The following C9orf72 variants were observed in gnomAD, a reference collection of about 807,000 sequenced individuals.
C9orf72 encodes guanine nucleotide exchange factor C9orf72.
A neutral mutation model predicts 51.6 loss-of-function variants in C9orf72; 44 were observed. The ratio of observed to expected loss-of-function variants is 0.85; its 90% CI spans 0.67 to 1.10. The LOEUF is 1.10. Among genes scored for constraint, C9orf72 ranks in the 50% least tolerant of loss-of-function variants. The pLI, the probability that C9orf72 is intolerant of heterozygous loss-of-function variation, is 0.00. For synonymous variants in C9orf72, 213 were observed against 194.2 expected (o/e 1.10, Z -0.81); for missense variants, 607 against 570.6 (o/e 1.06, Z -0.65).
chr9:27,564,388 T>C (rs1018676443), intron 3 of C9orf72, among the ~76,000 whole-genome samples: 15 of 152,186 alleles, frequency 9.9e-5, no homozygotes, highest in Non-Finnish European at 2.2e-4. Context: ...AGCAGAATTT[T>C]AGTTGGTTCT....
rs770707789 is a variant in C9orf72 at position 27,566,879 on chromosome 9, T to C, written c.242A>G (p.Asp81Gly). 1 of 1,613,976 alleles carries C rather than the reference T, an allele frequency of 6.2e-7. No homozygotes were observed. The highest frequency in any genetic ancestry group is 8.5e-7 in the Non-Finnish European group (1 of 1,179,918). Reference sequence around the variant, plus strand: ...TTCAGACAAGACAAAAAACTTTACATCTATAGCACCACTCTCTGCATTTCG... The same window carrying C: ...TTCAGACAAGACAAAAAACTTTACACCTATAGCACCACTCTCTGCATTTCG... ...ILRNAESGAIDVKFFVLSEKG... is the reference protein window; with the variant it reads ...ILRNAESGAIGVKFFVLSEKG... The change falls in exon 2 of 11, where the codon GAT (aspartate) becomes GGT (glycine). Residue 81 changes from aspartate (D) to glycine (G), a missense_variant. By Grantham distance (94) the Asp-to-Gly change is moderately conservative. Coordinates refer to ENST00000380003, the MANE Select transcript of C9orf72 (RefSeq NM_018325.5).
At chr9:27,572,711 G>C (rs571488463) in intron 1 of C9orf72, among the ~76,000 whole-genome samples, 1 of 152,162 alleles carries the variant, frequency 6.6e-6, no homozygotes, top group Non-Finnish European at 1.5e-5. Context: ...CGGCCAGATA[G>C]ACCCAATGAG....
chr9:27,567,482 C>A (rs185105997), intron 1 of C9orf72, among the ~76,000 whole-genome samples: 1 of 152,092 alleles, frequency 6.6e-6, no homozygotes, highest in African/African-American at 2.4e-5. Context: ...AGAATAGACC[C>A]GCAGTATTCC....
At chr9:27,565,783 C>T (rs1819454619) in intron 2 of C9orf72, among the ~76,000 whole-genome samples, 193 bp from the exon 3 acceptor site, 1 of 151,850 alleles carries the variant, frequency 6.6e-6, no homozygotes, top group Non-Finnish European at 1.5e-5. Flanking sequence ...AAAATAAAAT[C>T]AAAACAACCT....
intron 9 of C9orf72, among the ~76,000 whole-genome samples, chr9:27,550,043 A>C (rs562668789): frequency 6.6e-6 from 1 of 150,656 alleles, no homozygotes; most frequent in Non-Finnish European, 1.5e-5. Context: ...ATCATAGAGT[A>C]TATGTTATAT....
At chr9:27,565,497 GA>G in intron 3 of C9orf72, 33 bp downstream of exon 3, 1 of 1,423,788 alleles carries the variant, frequency 7.0e-7, no homozygotes, top group Non-Finnish European at 9.9e-7. Flanking sequence ...CATGCTGTGA[GA>G]AAAACATTTG....
At chr9:27,564,466 GAA>G (rs1309478735) in intron 3 of C9orf72, among the ~76,000 whole-genome samples, 2 of 152,164 alleles carry the variant, frequency 1.3e-5, no homozygotes, top group African/African-American at 4.8e-5. Flanking sequence ...AGAGGGTGCT[GAA>G]AGTTACCCCA....
intron 1 of C9orf72, among the ~76,000 whole-genome samples, chr9:27,567,862 G>A (rs1160590681): frequency 1.3e-5 from 2 of 152,064 alleles, no homozygotes. Context: ...GAACACTCAG[G>A]ATTGCTGGTA....
At chr9:27,551,256 T>C (rs1053546954) in intron 8 of C9orf72, among the ~76,000 whole-genome samples, 1 of 152,162 alleles carries the variant, frequency 6.6e-6, no homozygotes, top group Non-Finnish European at 1.5e-5. Flanking sequence ...GAACCAACTA[T>C]CCAAGAAAGT....
At chr9:27,567,307 T>C (rs1411468176) in intron 1 of C9orf72, 143 bp from the exon 2 acceptor site, 2 of 598,938 alleles carry the variant, frequency 3.3e-6, no homozygotes, top group African/African-American at 3.7e-5. Flanking sequence ...GATAAAGACA[T>C]TCAACTAGCA....
intron 4 of C9orf72, among the ~76,000 whole-genome samples, chr9:27,562,058 GCA>G (rs756079220): frequency 3.9e-5 from 6 of 152,120 alleles, no homozygotes; most frequent in Non-Finnish European, 8.8e-5. Flanking sequence ...TACTACTTTG[GCA>G]CACAGTTTTG....
upstream of C9orf72, chr9:27,573,540 C>CGGCCCCGGCCCCGGCCCT (rs71492753): frequency 6.7e-6 from 1 of 150,356 alleles, no homozygotes; most frequent in East Asian, 1.9e-4. Flanking sequence ...GCCCCGGCCC[C>CGGCCCCGGCCCCGGCCCT]GGCCCCTAGC....
chr9:27,567,166 T>C lies in C9orf72; in HGVS notation c.-44-2A>G, dbSNP rs1353088552. On this transcript the variant is annotated splice_acceptor_variant, in intron 1 of 10. Coordinates refer to ENST00000380003, the MANE Select transcript of C9orf72 (RefSeq NM_018325.5). LOFTEE classifies it low-confidence loss of function (5UTR_SPLICE). ...ATTATCCAAATGCTCCGGAGATATC[T>C]AAACAATGACATATGAAACCAATGA... 2 of 1,492,404 alleles carry C rather than the reference T, an allele frequency of 1.3e-6. No homozygotes were observed. Among genetic ancestry groups the C allele is most frequent in the East Asian group, 2.3e-5 (1 of 44,118 alleles). 92.4% of individuals were successfully genotyped at this position (1,492,404 alleles called of 1,614,324 possible).
Position 27,548,083 on chromosome 9 carries a change from C to T in C9orf72, c.*153G>A, listed in dbSNP as rs1820806710. ...TAATGATGCACCTGACATCCCCTCA[C>T]AGGCTCTTGTGAGAACTGTAGTGTA... On this transcript the variant is annotated 3_prime_UTR_variant, in exon 11 of 11. Coordinates refer to ENST00000380003, the MANE Select transcript of C9orf72 (RefSeq NM_018325.5). The T allele has an allele frequency of 5.4e-5, 26 of 482,816 alleles. No individual in the cohort carries two copies. The East Asian group carries it at 8.4e-4, about 16-fold the overall frequency. 29.9% of individuals were successfully genotyped at this position (482,816 alleles called of 1,614,324 possible).
Position 27,548,434 on chromosome 9 carries a change from G to GC in C9orf72, c.1260-13_1260-12insG. On this transcript the variant is annotated splice_polypyrimidine_tract_variant and intron_variant, in intron 10 of 10. Coordinates refer to ENST00000380003, the MANE Select transcript of C9orf72 (RefSeq NM_018325.5). ...TTTTTCCCTTCTGCCTAAAAATAATGGAAAAAAAAAAAAAAAAAAAAAAAA... is the reference window on the plus strand; with the variant it reads ...TTTTTCCCTTCTGCCTAAAAATAATGCGAAAAAAAAAAAAAAAAAAAAAAAA... 3.7e-5 allele frequency: 3 copies of GC among 80,730 alleles called. No individual in the cohort carries two copies. The highest frequency in any genetic ancestry group is 5.7e-5 in the Non-Finnish European group (3 of 52,382). 5.0% of individuals were successfully genotyped at this position (80,730 alleles called of 1,614,324 possible).
chr9:27,570,455 C>G (rs1268438036), intron 1 of C9orf72, among the ~76,000 whole-genome samples: 1 of 152,020 alleles, frequency 6.6e-6, no homozygotes, highest in African/African-American at 2.4e-5. Flanking sequence ...AAAGTATTTC[C>G]TAAAACAGAA....
intron 7 of C9orf72, among the ~76,000 whole-genome samples, 190 bp downstream of exon 7, chr9:27,558,301 T>C (rs573794530): frequency 1.5e-4 from 23 of 151,686 alleles, no homozygotes; most frequent in Admixed American, 5.9e-4. Context: ...TATTCTATGG[T>C]GTTTCACTGA....
chr9:27,561,800 T>C, intron 4 of C9orf72, 151 bp from the exon 5 acceptor site: 1 of 557,662 alleles, frequency 1.8e-6, no homozygotes, highest in Non-Finnish European at 3.1e-6. Flanking sequence ...ACAATCTCTG[T>C]GCACTACCAT....
Position 27,561,723 on chromosome 9 carries a change from G to A in C9orf72, c.601-74C>T, listed in dbSNP as rs1193173416. ...TTGAAATAACACTTTTAATATACAA[G>A]TTTTCGGAAGTCTGGATTCAATATA... On this transcript the variant is annotated intron_variant, in intron 4 of 10. Transcript: ENST00000380003. 5.4e-6 allele frequency: 5 copies of A among 921,238 alleles called. No homozygotes were observed. In the Admixed American group the frequency reaches 1.0e-4, roughly 19 times the overall value. The allele number at this position is 921,238 out of a possible 1,614,324, so 57.1% of individuals were successfully genotyped here.
Sources: gnomAD v4.1 joint callset for allele counts (sites outside exome capture counted in the v4.1 genomes callset) on GRCh38, gnomAD v4.1.1 for gene constraint, MANE v1.5 for transcripts, NCBI Gene and HGNC (gene_info 2026-07-23, HGNC 2026-07-21) for gene names.